DPP6: variants seen among roughly 807,000 people sequenced by gnomAD.
DPP6 encodes the protein A-type potassium channel modulatory protein DPP6.
DPP6 carries 69 observed loss-of-function variants against 122.6 expected under a neutral mutation model. The ratio of observed to expected loss-of-function variants is 0.56; its 90% confidence interval spans 0.46 to 0.69. The LOEUF (loss-of-function observed/expected upper bound fraction) is 0.69, where lower values mean the gene tolerates loss of function less well. Ranked by LOEUF, DPP6 falls within the 30% of genes least tolerant of loss-of-function variation. DPP6 has a pLI of 0.00. For synonymous variants in DPP6, 418 were observed against 433.1 expected (o/e 0.97, Z 0.43); for missense variants, 928 against 1,116.9 (o/e 0.83, Z 2.41).
intron 1 of DPP6, among the ~76,000 whole-genome samples, chr7:154,208,536 G>A (rs1341843661): frequency 1.3e-5 from 2 of 152,238 alleles, no homozygotes; most frequent in Admixed American, 1.3e-4. Flanking sequence ...TATTAAGTAA[G>A]CGCTATGTAC....
chr7:154,472,306 T>C (rs1426622616), intron 2 of DPP6, among the ~76,000 whole-genome samples: 1 of 152,236 alleles, frequency 6.6e-6, no homozygotes, highest in East Asian at 1.9e-4. Context: ...CCTGTTCACA[T>C]TGTCTGCCAC....
At chr7:154,242,236 G>C (rs1801667828) in intron 1 of DPP6, among the ~76,000 whole-genome samples, 2 of 152,092 alleles carry the variant, frequency 1.3e-5, no homozygotes, top group African/African-American at 4.8e-5. Context: ...CCCTGGAGCA[G>C]GTCTGTTGAC....
chr7:153,995,794 C>T lies in DPP6; in HGVS notation c.51+108060C>T, dbSNP rs11773197. ...GAATAAAAGCACCAGATGGGAGATACGGCATTCACTCTTACCTAAGTCCTA... is the reference window on the plus strand; with the variant it reads ...GAATAAAAGCACCAGATGGGAGATATGGCATTCACTCTTACCTAAGTCCTA... On this transcript the variant is annotated intron_variant, in intron 1 of 25. Coordinates refer to the DPP6 transcript ENST00000404039. 1.1e-4 allele frequency among the ~76,000 whole-genome samples: 16 copies of T among 151,942 alleles called. No homozygotes were observed. In the East Asian group the frequency reaches 1.9e-3, roughly 18 times the overall value.
intron 1 of DPP6, among the ~76,000 whole-genome samples, chr7:154,283,466 T>TATCATC (rs1016134273): frequency 6.6e-6 from 1 of 151,804 alleles, no homozygotes; most frequent in African/African-American, 2.4e-5. Flanking sequence ...TCATAGTCAT[T>TATCATC]ATCATCATCA....
At chr7:154,340,224 A>G (rs1266145982) in intron 1 of DPP6, among the ~76,000 whole-genome samples, 1 of 152,258 alleles carries the variant, frequency 6.6e-6, no homozygotes, top group Non-Finnish European at 1.5e-5. Flanking sequence ...AATCTCTTTT[A>G]TGTAGAGAGT....
intron 1 of DPP6, among the ~76,000 whole-genome samples, chr7:154,220,857 C>T (rs1387571807): frequency 2.0e-5 from 3 of 152,172 alleles, no homozygotes; most frequent in Non-Finnish European, 4.4e-5. Flanking sequence ...CTTTCACGAA[C>T]AAGTTTTGCT....
chr7:154,244,378 C>T (rs73726195), intron 1 of DPP6, among the ~76,000 whole-genome samples: 2,777 of 152,034 alleles, frequency 0.018, 90 homozygotes, highest in African/African-American at 0.063. Context: ...ACCTATACTG[C>T]AAGACATATT....
At chr7:154,575,697 GGT>G (rs1831618656) in intron 5 of DPP6, among the ~76,000 whole-genome samples, 1 of 139,948 alleles carries the variant, frequency 7.1e-6, no homozygotes, top group South Asian at 2.4e-4. Context: ...GTGTGTATGT[GGT>G]GTTTGTGTAT....
In DPP6 at chr7:154,481,687, G is replaced by A. The variant is rs1367050450; in HGVS notation, c.457+6650G>A. Among the ~76,000 whole-genome samples the A allele has an allele frequency of 6.6e-6, 1 of 152,004 alleles. No homozygotes were observed. Among genetic ancestry groups the A allele is most frequent in the Non-Finnish European group, 1.5e-5 (1 of 68,022 alleles). On this transcript the variant is annotated intron_variant, in intron 3 of 25. Transcript: ENST00000377770. This position sits in a 1 kb window ranked among gnomAD's most constrained non-coding sequence, Gnocchi z 4.2. ...CCCCAGAGTGGCTCTTACATAGGAT[G>A]TTCCTTCTGTCCAGCCCACTCGCTC...
Position 154,384,142 on chromosome 7 carries a change from G to A in DPP6, c.244-62072G>A, listed in dbSNP as rs116517485. On this transcript the variant is annotated intron_variant, in intron 1 of 25. Transcript: ENST00000377770. The stretch of plus-strand genomic sequence containing the variant: ...CTCATTTGATGGTCGAGACTGGAGC[G>A]CTAAGAGCGTTGGTGCACACTGGTG... Among the ~76,000 whole-genome samples the A allele has an allele frequency of 3.5e-3, 539 of 152,208 alleles. 4 individuals are homozygous for A. The highest frequency in any genetic ancestry group is 0.012 in the African/African-American group (509 of 41,542).
intron 1 of DPP6, among the ~76,000 whole-genome samples, chr7:154,146,611 T>C (rs1796096009): frequency 6.6e-6 from 1 of 152,274 alleles, no homozygotes; most frequent in Non-Finnish European, 1.5e-5. Flanking sequence ...ATTGTCTGGC[T>C]CAGACTCATG....
At chr7:154,221,450 G>T (rs1800302612) in intron 1 of DPP6, among the ~76,000 whole-genome samples, 1 of 152,088 alleles carries the variant, frequency 6.6e-6, no homozygotes, top group Non-Finnish European at 1.5e-5. Flanking sequence ...CTACCACTGT[G>T]CTCGACCCTC....
At chr7:154,505,473 C>A (rs1825592966) in intron 3 of DPP6, among the ~76,000 whole-genome samples, 2 of 152,184 alleles carry the variant, frequency 1.3e-5, no homozygotes, top group Non-Finnish European at 2.9e-5. Context: ...TCCCAAGGAT[C>A]CCATCCGGGA....
At chr7:154,633,697 C>G (rs1035118983) in intron 5 of DPP6, among the ~76,000 whole-genome samples, 2 of 152,224 alleles carry the variant, frequency 1.3e-5, no homozygotes, top group African/African-American at 4.8e-5. Context: ...TCAATTTGCA[C>G]TCTTTAAACA....
chr7:154,730,305 G>T (rs545064986), intron 8 of DPP6, among the ~76,000 whole-genome samples: 1 of 152,112 alleles, frequency 6.6e-6, no homozygotes, highest in African/African-American at 2.4e-5. Context: ...AGGCTGTGGA[G>T]CTGCAGGGAC....
intron 1 of DPP6, among the ~76,000 whole-genome samples, chr7:154,424,304 TA>T (rs905653440): frequency 6.6e-6 from 1 of 152,202 alleles, no homozygotes; most frequent in African/African-American, 2.4e-5. Context: ...CTTAGTGACT[TA>T]AAACAACATA....
At chr7:153,939,476 A>G (rs1283803599) in intron 1 of DPP6, among the ~76,000 whole-genome samples, 1 of 152,210 alleles carries the variant, frequency 6.6e-6, no homozygotes, top group Non-Finnish European at 1.5e-5. Flanking sequence ...AATTACTGAA[A>G]TTAGTCTTAA....
intron 1 of DPP6, among the ~76,000 whole-genome samples, chr7:154,018,176 A>G (rs1182883514): frequency 6.6e-6 from 1 of 151,902 alleles, no homozygotes; most frequent in Non-Finnish European, 1.5e-5. Context: ...CCTGCTGTAG[A>G]TGACCTGAAA....
At chr7:154,361,662 G>T (rs1309214882) in intron 1 of DPP6, among the ~76,000 whole-genome samples, 1 of 149,374 alleles carries the variant, frequency 6.7e-6, no homozygotes, top group Non-Finnish European at 1.5e-5. Flanking sequence ...AGACACTGTT[G>T]TTGAAGCAGC....
Sources: gnomAD v4.1 joint callset for allele counts (sites outside exome capture counted in the v4.1 genomes callset) on GRCh38, gnomAD v4.1.1 for gene constraint, Gnocchi (gnomAD v3.1) non-coding constraint, MANE v1.5 for transcripts, NCBI Gene and HGNC (gene_info 2026-07-23, HGNC 2026-07-21) for gene names.